Variants in RASD2 observed in about 807,000 individuals in gnomAD.
RASD2 encodes the protein GTP-binding protein Rhes.
Under a neutral mutation model 15.8 loss-of-function variants are expected in RASD2, and 7 were observed. The observed-to-expected ratio is 0.44, with a 90% CI of 0.25 to 0.83. RASD2 has a LOEUF of 0.83. Ranked by LOEUF, RASD2 falls within the 40% of genes least tolerant of loss-of-function variation. The pLI, the probability that RASD2 is intolerant of heterozygous loss-of-function variation, is 0.20. For missense variants in RASD2, 274 were observed against 382.8 expected, an observed-to-expected ratio of 0.72 and a Z score of 2.37; for synonymous variants, 155 against 153.6, an observed-to-expected ratio of 1.01 and a Z score of -0.07.
intron 2 of RASD2, among the ~76,000 whole-genome samples, chr22:35,547,294 C>A (rs1410667129): frequency 6.6e-6 from 1 of 152,256 alleles, no homozygotes; most frequent in Non-Finnish European, 1.5e-5. Flanking sequence ...AGATCGATTA[C>A]TCATGGCTGT....
rs1190978429 is a variant in RASD2 at position 35,552,072 on chromosome 22, G to A, written c.*40G>A. 3.8e-6 allele frequency: 6 copies of A among 1,565,250 alleles called. No individual in the cohort carries two copies. Among genetic ancestry groups the A allele is most frequent in the South Asian group, 1.2e-5 (1 of 86,888 alleles). ...GGCGGGGCTTGGCCAGTGCCTTCAG[G>A]GAGGTGGCCCCAGATGCCCACTGTG... On this transcript the variant is annotated 3_prime_UTR_variant, in exon 3 of 3. Transcript: ENST00000216127.
At chr22:35,534,700 G>T in the RASD2 span, among the ~76,000 whole-genome samples, 2,633 of 152,348 alleles carry the variant, frequency 0.017, 36 homozygotes, top group Non-Finnish European at 0.021. Context: ...TGGTTGTGTA[G>T]GTTGCTTACT....
chr22:35,541,757 G>A (rs1934353903), intron 1 of RASD2, among the ~76,000 whole-genome samples: 1 of 152,206 alleles, frequency 6.6e-6, no homozygotes, highest in South Asian at 2.1e-4. Flanking sequence ...AAGATTTATT[G>A]AGCTTCTACT....
At chr22:35,533,491 C>T in the RASD2 span, among the ~76,000 whole-genome samples, 19 of 152,002 alleles carry the variant, frequency 1.2e-4, no homozygotes, top group Non-Finnish European at 2.2e-4. Context: ...ATGACGCTGA[C>T]GGTGATGGTG....
intron 2 of RASD2, among the ~76,000 whole-genome samples, chr22:35,550,846 T>C (rs918111724): frequency 6.6e-6 from 1 of 152,132 alleles, no homozygotes; most frequent in Admixed American, 6.5e-5. Flanking sequence ...GACAGAGGCA[T>C]AGTGAGGAAT....
At chr22:35,537,742 T>TTGATGGGTAAATACAGAGAAAAGGGTATC (rs1934263138), upstream of RASD2, among the ~76,000 whole-genome samples, 1 of 151,996 alleles carries the variant, frequency 6.6e-6, no homozygotes, top group African/African-American at 2.4e-5. Context: ...GTGTAGGAGT[T>TTGATGGGTAAATACAGAGAAAAGGGTATC]TGATGGGTAA....
Position 35,552,336 on chromosome 22 carries a change from T to C in RASD2, c.*304T>C. Reference sequence around the variant, plus strand: ...CCTCTCCTGGGGTTGGAAGAAATGTTGATGCCAGAGGGGTGAGGATTGCTG... The same window carrying C: ...CCTCTCCTGGGGTTGGAAGAAATGTCGATGCCAGAGGGGTGAGGATTGCTG... On this transcript the variant is annotated 3_prime_UTR_variant, in exon 3 of 3. Transcript: ENST00000216127. 1 of 436,336 alleles carries C rather than the reference T, an allele frequency of 2.3e-6. No homozygotes were observed. Among genetic ancestry groups the C allele is most frequent in the East Asian group, 3.9e-5 (1 of 25,414 alleles). The allele number at this position is 436,336 out of a possible 1,614,324, so 27.0% of individuals were successfully genotyped here. A position where few individuals can be genotyped will look rare whatever the true frequency, so the allele number is the denominator to read the frequency against.
In RASD2 at chr22:35,546,809, C is replaced by G; in HGVS notation, c.-1C>G. The G allele has an allele frequency of 6.2e-7, 1 of 1,613,082 alleles. No individual in the cohort carries two copies. Among genetic ancestry groups the G allele is most frequent in the Non-Finnish European group, 8.5e-7 (1 of 1,179,418 alleles). ...CTCTCGCTTTGTTGCAGCCCCGAGC[C>G]ATGATGAAGACTTTGTCCAGCGGGA... On this transcript the variant is annotated 5_prime_UTR_variant, in exon 2 of 3. Coordinates refer to ENST00000216127, the MANE Select transcript of RASD2 (RefSeq NM_014310.4).
chr22:35,547,878 T>C (rs1358262498), intron 2 of RASD2, among the ~76,000 whole-genome samples: 1 of 152,218 alleles, frequency 6.6e-6, no homozygotes, highest in Non-Finnish European at 1.5e-5. Flanking sequence ...CCTCCCAAAG[T>C]GCTGAGATTA....
At chr22:35,550,302 A>G (rs966326351) in intron 2 of RASD2, among the ~76,000 whole-genome samples, 1 of 150,472 alleles carries the variant, frequency 6.6e-6, no homozygotes, top group Non-Finnish European at 1.5e-5. Context: ...ATAGCTAGGC[A>G]TGGTGACAGG....
upstream of RASD2, among the ~76,000 whole-genome samples, chr22:35,537,527 C>T (rs1026667960): frequency 6.6e-6 from 1 of 152,274 alleles, no homozygotes; most frequent in Middle Eastern, 3.4e-3. Context: ...TTATTTTAAT[C>T]CTCCCAACAA....
intron 2 of RASD2, among the ~76,000 whole-genome samples, chr22:35,550,082 G>A (rs954296913): frequency 2.0e-5 from 3 of 152,102 alleles, no homozygotes; most frequent in Non-Finnish European, 4.4e-5. Flanking sequence ...CTAACACAGT[G>A]AAACACCGTC....
intron 1 of RASD2, among the ~76,000 whole-genome samples, chr22:35,546,500 G>A (rs73883456): frequency 0.028 from 4,281 of 152,260 alleles, 202 homozygotes; most frequent in African/African-American, 0.097. Context: ...GAGAGGTTAA[G>A]CTACTAGCCC....
At chr22:35,547,480 A>G (rs1251267129) in intron 2 of RASD2, among the ~76,000 whole-genome samples, 1 of 152,106 alleles carries the variant, frequency 6.6e-6, no homozygotes, top group Non-Finnish European at 1.5e-5. Flanking sequence ...GGCCTTTGCC[A>G]CCTCCTAGAG....
At chr22:35,541,806 A>C (rs1247418769) in intron 1 of RASD2, among the ~76,000 whole-genome samples, 1 of 152,220 alleles carries the variant, frequency 6.6e-6, no homozygotes, top group Non-Finnish European at 1.5e-5. Flanking sequence ...GCATTTAAAG[A>C]GCTAGAGTAA....
rs760647074 is a variant in RASD2 at position 35,546,929 on chromosome 22, C to G, written c.120C>G (p.Leu40=). Residue 40 remains leucine (L), a synonymous_variant, in exon 2 of 3, where the codon CTC becomes CTG. Coordinates refer to ENST00000216127, the MANE Select transcript of RASD2 (RefSeq NM_014310.4). ...VGKSSIVSRF[L]NGRFEDQYTP... is the part of the protein sequence containing the mutation. ...AGAGCTCCATCGTGTCTCGCTTCCT[C>G]AATGGCCGCTTTGAGGACCAGTACA... The G allele has an allele frequency of 3.1e-6, 5 of 1,613,930 alleles. No homozygotes were observed. The highest frequency in any genetic ancestry group is 4.2e-6 in the Non-Finnish European group (5 of 1,179,926).
intron 2 of RASD2, among the ~76,000 whole-genome samples, chr22:35,548,073 T>G (rs771977509): frequency 6.6e-6 from 1 of 152,158 alleles, no homozygotes; most frequent in Non-Finnish European, 1.5e-5. Context: ...TACCACAGCC[T>G]CTCAGCCCTG....
intron 1 of RASD2, among the ~76,000 whole-genome samples, chr22:35,544,648 T>A (rs1260495335): frequency 6.6e-6 from 1 of 151,972 alleles, no homozygotes. Flanking sequence ...GATGTGGGGG[T>A]CTTAGGCTTG....
At chr22:35,538,172 A>C (rs1175724977), upstream of RASD2, among the ~76,000 whole-genome samples, 1 of 152,022 alleles carries the variant, frequency 6.6e-6, no homozygotes, top group Non-Finnish European at 1.5e-5. Flanking sequence ...GGGTTTTGCT[A>C]TGTTGGCCAG....
Sources: allele counts gnomAD v4.1 joint callset (sites outside exome capture counted in the v4.1 genomes callset), GRCh38; gene constraint gnomAD v4.1.1; transcripts MANE v1.5; gene names NCBI Gene and HGNC (gene_info 2026-07-23, HGNC 2026-07-21).